The following KCNH7 variants were observed in gnomAD, a reference collection of about 807,000 sequenced individuals.
The protein encoded by KCNH7 is potassium voltage-gated channel subfamily H member 7, also known as voltage-gated inwardly rectifying potassium channel KCNH7.
KCNH7 carries 49 observed loss-of-function variants against 120.8 expected under a neutral mutation model. The ratio of observed to expected loss-of-function variants is 0.41; its 90% CI spans 0.32 to 0.51. The LOEUF (loss-of-function observed/expected upper bound fraction) is 0.51. Ranked by LOEUF, KCNH7 falls within the 20% of genes least tolerant of loss-of-function variation. The pLI, the probability that KCNH7 is intolerant of heterozygous loss-of-function variation, is 0.38. For missense variants in KCNH7, 1,097 were observed against 1,446.6 expected, an observed-to-expected ratio of 0.76 and a Z score of 3.92; for synonymous variants, 547 against 516.1, an observed-to-expected ratio of 1.06 and a Z score of -0.81.
chr2:162,490,112 G>T (rs1055114168), intron 6 of KCNH7, among the ~76,000 whole-genome samples: 10 of 152,352 alleles, frequency 6.6e-5, no homozygotes, highest in Admixed American at 1.3e-4. Flanking sequence ...TAAGGGGAGG[G>T]TCCCTGGAGA....
chr2:162,811,162 G>A (rs760277318), intron 2 of KCNH7, among the ~76,000 whole-genome samples: 10 of 152,100 alleles, frequency 6.6e-5, no homozygotes, highest in Admixed American at 2.0e-4. Context: ...TGAATACTAT[G>A]AAGTGAGATA....
chr2:162,648,349 T>A (rs1450710305), intron 2 of KCNH7, among the ~76,000 whole-genome samples: 1 of 152,112 alleles, frequency 6.6e-6, no homozygotes, highest in East Asian at 1.9e-4. Context: ...AGTAACTCAC[T>A]ATCATGAGAA....
chr2:162,828,388 C>T (rs2105610182), intron 2 of KCNH7, among the ~76,000 whole-genome samples: 1 of 152,140 alleles, frequency 6.6e-6, no homozygotes, highest in African/African-American at 2.4e-5. Flanking sequence ...ATACAGACTT[C>T]ACTAAATATA....
intron 2 of KCNH7, among the ~76,000 whole-genome samples, chr2:162,623,039 T>C (rs1195355812): frequency 6.6e-6 from 1 of 152,100 alleles, no homozygotes; most frequent in Non-Finnish European, 1.5e-5. Context: ...ACATTATTCA[T>C]GGTTGAGATG....
chr2:162,475,389 CT>C (rs1340832012), intron 6 of KCNH7, among the ~76,000 whole-genome samples: 4 of 152,184 alleles, frequency 2.6e-5, no homozygotes, highest in Non-Finnish European at 5.9e-5. Context: ...ATATTGAACC[CT>C]ATGCCAAATA....
intron 10 of KCNH7, among the ~76,000 whole-genome samples, chr2:162,399,327 T>C (rs1445633789): frequency 2.0e-5 from 3 of 151,516 alleles, no homozygotes; most frequent in Non-Finnish European, 3.0e-5. Flanking sequence ...ATGGCCTAAA[T>C]TTATTTTTAT....
At chr2:162,750,583 G>T (rs903685001) in intron 2 of KCNH7, among the ~76,000 whole-genome samples, 1 of 151,994 alleles carries the variant, frequency 6.6e-6, no homozygotes, top group African/African-American at 2.4e-5. Flanking sequence ...TTTAATTAAT[G>T]AACTTACATG....
intron 9 of KCNH7, among the ~76,000 whole-genome samples, chr2:162,403,560 GC>G (rs1287471704): frequency 6.6e-6 from 1 of 151,812 alleles, no homozygotes; most frequent in Non-Finnish European, 1.5e-5. Context: ...ACTGTCCTCT[GC>G]CCCCAACATT....
chr2:162,577,398 C>CCATCT (rs1693723667), intron 2 of KCNH7, among the ~76,000 whole-genome samples: 2 of 75,022 alleles, frequency 2.7e-5, no homozygotes, highest in East Asian at 1.1e-3. Context: ...TCTATCTATC[C>CCATCT]ATCTATCTAT....
At chr2:162,834,317 G>T in intron 2 of KCNH7, among the ~76,000 whole-genome samples, 1 of 151,828 alleles carries the variant, frequency 6.6e-6, no homozygotes, top group African/African-American at 2.4e-5. Context: ...GTTTAAAAAG[G>T]TCATTCAAAC....
intron 2 of KCNH7, among the ~76,000 whole-genome samples, chr2:162,567,177 A>G (rs769190025): frequency 6.6e-6 from 1 of 152,054 alleles, no homozygotes; most frequent in African/African-American, 2.4e-5. Flanking sequence ...TAAAATGATC[A>G]CTTTAGTAGA....
At chr2:162,686,985 A>T (rs1298715876) in intron 2 of KCNH7, among the ~76,000 whole-genome samples, 2 of 152,148 alleles carry the variant, frequency 1.3e-5, no homozygotes, top group Non-Finnish European at 2.9e-5. Context: ...TGTGGCTGCT[A>T]ACAGTCCCCA....
intron 2 of KCNH7, among the ~76,000 whole-genome samples, chr2:162,621,750 C>T (rs1173566587): frequency 6.6e-6 from 1 of 151,996 alleles, no homozygotes; most frequent in Non-Finnish European, 1.5e-5. Flanking sequence ...TATATAACAC[C>T]TTGTTTTACA....
At chr2:162,767,407 C>G (rs1682862169) in intron 2 of KCNH7, among the ~76,000 whole-genome samples, 1 of 152,116 alleles carries the variant, frequency 6.6e-6, no homozygotes, top group Non-Finnish European at 1.5e-5. Context: ...TCCTTATCAA[C>G]ACCAAATATA....
At chr2:162,689,677 CAAATT>C (rs1299182730) in intron 2 of KCNH7, among the ~76,000 whole-genome samples, 1 of 151,930 alleles carries the variant, frequency 6.6e-6, no homozygotes, top group Non-Finnish European at 1.5e-5. Flanking sequence ...ATAAAATAAT[CAAATT>C]AAACATTCTT....
At chr2:162,768,065 TAGTC>T (rs369494205) in intron 2 of KCNH7, among the ~76,000 whole-genome samples, 56 of 152,228 alleles carry the variant, frequency 3.7e-4, no homozygotes, top group African/African-American at 1.3e-3. Context: ...GTTAGCAAGA[TAGTC>T]AGCCATGTTT....
At chr2:162,442,093 T>C (rs113938941) in intron 7 of KCNH7, among the ~76,000 whole-genome samples, 42 of 142,798 alleles carry the variant, frequency 2.9e-4, no homozygotes, top group African/African-American at 9.6e-4. Context: ...CTCTGCTATC[T>C]CTGCTCACTG....
intron 2 of KCNH7, among the ~76,000 whole-genome samples, chr2:162,743,942 T>C (rs1041113260): frequency 3.3e-5 from 5 of 152,144 alleles, no homozygotes; most frequent in African/African-American, 1.2e-4. Flanking sequence ...ATCTAGCAAA[T>C]TTCACATTCA....
At chr2:162,551,139 G>A (rs2105857520) in intron 2 of KCNH7, among the ~76,000 whole-genome samples, 1 of 152,124 alleles carries the variant, frequency 6.6e-6, no homozygotes, top group Non-Finnish European at 1.5e-5. Flanking sequence ...GAAAGTGAGG[G>A]GAACTAAAAG....
Sources: allele counts gnomAD v4.1 joint callset (sites outside exome capture counted in the v4.1 genomes callset), GRCh38; gene constraint gnomAD v4.1.1; transcripts MANE v1.5; gene names NCBI Gene and HGNC (gene_info 2026-07-23, HGNC 2026-07-21).